The following RBMS3 variants were observed in gnomAD, a reference collection of about 807,000 sequenced individuals.
RBMS3 encodes RNA binding motif single stranded interacting protein 3, also known as RNA-binding motif, single-stranded-interacting protein 3.
In RBMS3, 27 loss-of-function variants were observed where a neutral mutation model predicts 66.8. That is an observed-to-expected ratio of 0.40 (90% CI 0.30 to 0.56). The LOEUF (loss-of-function observed/expected upper bound fraction) is 0.56. Among genes scored for constraint, RBMS3 ranks in the 20% least tolerant of loss-of-function variants. The pLI is 0.40. For synonymous variants in RBMS3, 188 were observed against 183.0 expected (o/e 1.03, Z -0.22); for missense variants, 513 against 549.5 (o/e 0.93, Z 0.66).
At chr3:29,913,055 T>G (rs910187064) in intron 10 of RBMS3, among the ~76,000 whole-genome samples, 1 of 151,922 alleles carries the variant, frequency 6.6e-6, no homozygotes, top group Non-Finnish European at 1.5e-5. Context: ...GCATAAGACC[T>G]CTTGGCTATC....
chr3:29,977,538 T>G (rs1418380899), intron 12 of RBMS3, among the ~76,000 whole-genome samples: 2 of 152,120 alleles, frequency 1.3e-5, no homozygotes, highest in African/African-American at 4.8e-5. Flanking sequence ...TTTTTGTTTC[T>G]TCACACAACA....
At chr3:29,862,871 A>G (rs1178523611) in intron 6 of RBMS3, among the ~76,000 whole-genome samples, 3 of 152,052 alleles carry the variant, frequency 2.0e-5, no homozygotes, top group East Asian at 1.9e-4. Flanking sequence ...AAAGAAAAAA[A>G]AAAAAAAGGA....
chr3:29,293,602 G>A (rs1204246515), intron 1 of RBMS3, among the ~76,000 whole-genome samples: 1 of 151,754 alleles, frequency 6.6e-6, no homozygotes, highest in African/African-American at 2.4e-5. Flanking sequence ...TTCATTGTAT[G>A]CATTTCTCCA....
At chr3:29,610,931 A>T (rs2149133206) in intron 4 of RBMS3, among the ~76,000 whole-genome samples, 1 of 152,190 alleles carries the variant, frequency 6.6e-6, no homozygotes, top group East Asian at 1.9e-4. Context: ...CTTAAGGGAA[A>T]AAAAAAATCA....
rs1162188859 is a variant in RBMS3 at position 29,441,470 on chromosome 3, G to T, written c.248+6555G>T. ...TGTTCAAAACTTCCCTATGAAGTGG[G>T]AATAATACTTTCTTTAAACTGATAC... On this transcript the variant is annotated intron_variant, in intron 2 of 14. Transcript: ENST00000383767. Among the ~76,000 whole-genome samples the T allele has an allele frequency of 2.6e-5, 4 of 152,102 alleles. No homozygotes were observed. The East Asian group carries it at 7.7e-4, about 29-fold the overall frequency.
intron 3 of RBMS3, among the ~76,000 whole-genome samples, chr3:29,490,619 G>A (rs2043507343): frequency 6.6e-6 from 1 of 152,112 alleles, no homozygotes; most frequent in Non-Finnish European, 1.5e-5. Context: ...TTGTAAGAAA[G>A]CCCAGGGCTA....
At chr3:29,952,766 T>C (rs1695769376) in intron 12 of RBMS3, among the ~76,000 whole-genome samples, 1 of 151,900 alleles carries the variant, frequency 6.6e-6, no homozygotes, top group Non-Finnish European at 1.5e-5. Context: ...ATGTGGAATA[T>C]ATCAGTATAT....
At chr3:29,473,852 G>T (rs540001040) in intron 2 of RBMS3, among the ~76,000 whole-genome samples, 2 of 152,334 alleles carry the variant, frequency 1.3e-5, no homozygotes, top group Non-Finnish European at 2.9e-5. Context: ...CGCAAGCGCC[G>T]CGCGCAGCCC....
chr3:29,983,030 G>C (rs1372952065), intron 12 of RBMS3, among the ~76,000 whole-genome samples: 1 of 152,110 alleles, frequency 6.6e-6, no homozygotes, highest in Non-Finnish European at 1.5e-5. Context: ...CGCTATTATG[G>C]TGTGGGAGTC....
chr3:29,715,817 TG>T (rs1366581826), intron 4 of RBMS3, among the ~76,000 whole-genome samples: 1 of 152,170 alleles, frequency 6.6e-6, no homozygotes, highest in East Asian at 1.9e-4. Flanking sequence ...ATGAGGGGAT[TG>T]TCCAATTTAG....
chr3:29,955,333 A>G (rs1695960960), intron 12 of RBMS3, among the ~76,000 whole-genome samples: 1 of 152,016 alleles, frequency 6.6e-6, no homozygotes, highest in Non-Finnish European at 1.5e-5. Flanking sequence ...TAGTTTAAAC[A>G]TATGGTCCTG....
At chr3:29,709,746 A>T (rs546633395) in intron 4 of RBMS3, among the ~76,000 whole-genome samples, 2 of 152,350 alleles carry the variant, frequency 1.3e-5, no homozygotes, top group African/African-American at 4.8e-5. Flanking sequence ...TATATAATGC[A>T]CATTTAAAAA....
At chr3:29,396,981 A>G (rs72852357) in intron 1 of RBMS3, among the ~76,000 whole-genome samples, 8,654 of 152,148 alleles carry the variant, frequency 0.057, 414 homozygotes, top group East Asian at 0.19. Context: ...TTCATTTTTT[A>G]TTATTTATTA....
In RBMS3 at chr3:29,281,666, T is replaced by C. The variant is rs746443279; in HGVS notation, c.-16T>C. The C allele has an allele frequency of 1.9e-6, 3 of 1,610,792 alleles. No homozygotes were observed. The highest frequency in any genetic ancestry group is 2.5e-6 in the Non-Finnish European group (3 of 1,177,342). The stretch of plus-strand genomic sequence containing the variant: ...GTCATCCAGTTCCCTGCCTCGGAGA[T>C]AAAGATTCCAGCTACATGGGCAAAC... On this transcript the variant is annotated 5_prime_UTR_variant, in exon 1 of 15. Transcript: ENST00000383767.
chr3:29,743,292 CT>C (rs369621653), intron 5 of RBMS3, among the ~76,000 whole-genome samples: 84 of 152,318 alleles, frequency 5.5e-4, no homozygotes, highest in Non-Finnish European at 1.1e-3. Flanking sequence ...TTCCACTCTG[CT>C]TTTCTCATCT....
At chr3:29,794,476 C>G (rs2057116547) in intron 6 of RBMS3, among the ~76,000 whole-genome samples, 1 of 152,070 alleles carries the variant, frequency 6.6e-6, no homozygotes, top group Non-Finnish European at 1.5e-5. Context: ...GTCCCAGCTA[C>G]TCGGGAGGCT....
chr3:29,310,904 G>A (rs1449299261), intron 1 of RBMS3, among the ~76,000 whole-genome samples: 2 of 151,592 alleles, frequency 1.3e-5, no homozygotes, highest in Non-Finnish European at 3.0e-5. Context: ...GAATTTTTCT[G>A]TTATTAGATA....
intron 1 of RBMS3, among the ~76,000 whole-genome samples, chr3:29,398,628 G>A (rs116741894): frequency 0.018 from 2,697 of 152,238 alleles, 76 homozygotes; most frequent in African/African-American, 0.061. Flanking sequence ...AGAACACGTG[G>A]TCATTGACCA....
chr3:29,683,160 T>G (rs1414399364), intron 4 of RBMS3, among the ~76,000 whole-genome samples: 1 of 152,190 alleles, frequency 6.6e-6, no homozygotes, highest in Non-Finnish European at 1.5e-5. Context: ...TCAAGACCAT[T>G]TGTTTGGTTC....
Sources: allele counts gnomAD v4.1 joint callset (sites outside exome capture counted in the v4.1 genomes callset), GRCh38; gene constraint gnomAD v4.1.1; transcripts MANE v1.5; gene names NCBI Gene and HGNC (gene_info 2026-07-23, HGNC 2026-07-21).